LPP: variants seen among roughly 807,000 people sequenced by gnomAD.
LPP encodes the protein LIM domain containing preferred translocation partner in lipoma.
In LPP, 38 loss-of-function variants were observed where a neutral mutation model predicts 60.4. That is an observed-to-expected ratio of 0.63 (90% CI 0.49 to 0.83). The LOEUF is 0.83. Ranked by LOEUF, LPP falls within the 40% of genes least tolerant of loss-of-function variation. LPP has a pLI of 0.00. For missense variants in LPP, 902 were observed against 783.6 expected, an observed-to-expected ratio of 1.15 and a Z score of -1.80; for synonymous variants, 328 against 290.8, an observed-to-expected ratio of 1.13 and a Z score of -1.30.
At chr3:188,338,713 TG>T (rs754862161) in intron 2 of LPP, among the ~76,000 whole-genome samples, 10 of 152,120 alleles carry the variant, frequency 6.6e-5, no homozygotes, top group Non-Finnish European at 1.0e-4. Flanking sequence ...ATTGACTTAG[TG>T]GGAGTTTTTA....
At chr3:188,299,808 GCAC>G in intron 2 of LPP, among the ~76,000 whole-genome samples, 1 of 152,276 alleles carries the variant, frequency 6.6e-6, no homozygotes, top group East Asian at 1.9e-4. Context: ...AGACAGTAGG[GCAC>G]CAGGAAGCCT....
intron 4 of LPP, among the ~76,000 whole-genome samples, chr3:188,409,071 T>A (rs1233822028): frequency 3.9e-5 from 6 of 152,228 alleles, no homozygotes; most frequent in Non-Finnish European, 7.3e-5. Context: ...GTCAAATGTA[T>A]GTCTGTGTGT....
At chr3:188,197,359 C>T (rs1729825770) in intron 1 of LPP, among the ~76,000 whole-genome samples, 1 of 152,062 alleles carries the variant, frequency 6.6e-6, no homozygotes, top group Non-Finnish European at 1.5e-5. Context: ...CTCAGGAGTC[C>T]CTTTGGGCTA....
chr3:188,230,270 G>T (rs1341271632), intron 2 of LPP, among the ~76,000 whole-genome samples: 1 of 152,058 alleles, frequency 6.6e-6, no homozygotes, highest in African/African-American at 2.4e-5. Context: ...ATTTTTAGTA[G>T]AGACGGGGTT....
chr3:188,231,648 A>C (rs889870203), intron 2 of LPP, among the ~76,000 whole-genome samples: 1 of 150,606 alleles, frequency 6.6e-6, no homozygotes. Context: ...CCACAGAGCC[A>C]GCGGTAGTCA....
In LPP at chr3:188,173,605, T is replaced by G. The variant is rs78955665; in HGVS notation, c.-190+19353T>G. ...AGAAAGAAAAGCCTACTATGACGTA[T>G]AATGTTGTAATCATGTAATCTGGAG... On this transcript the variant is annotated intron_variant, in intron 1 of 11. Transcript: ENST00000617246. Among the ~76,000 whole-genome samples the G allele has an allele frequency of 8.5e-5, 13 of 152,238 alleles. No individual in the cohort carries two copies. The East Asian group carries it at 2.1e-3, about 25-fold the overall frequency.
At chr3:188,325,168 A>T (rs1182055832) in intron 2 of LPP, among the ~76,000 whole-genome samples, 2 of 152,026 alleles carry the variant, frequency 1.3e-5, no homozygotes, top group South Asian at 2.1e-4. Context: ...TTTAGTAGAG[A>T]TGGGTTTTCA....
intron 1 of LPP, among the ~76,000 whole-genome samples, chr3:188,211,522 T>G (rs557545832): frequency 6.6e-6 from 1 of 152,328 alleles, no homozygotes; most frequent in East Asian, 1.9e-4. Context: ...CCCTAGTGTC[T>G]GATCTCTCTT....
intron 4 of LPP, among the ~76,000 whole-genome samples, chr3:188,422,364 A>T (rs973779874): frequency 2.6e-5 from 4 of 152,178 alleles, no homozygotes; most frequent in Admixed American, 1.3e-4. Context: ...TGGAAATCAT[A>T]AGCATTCAGT....
intron 9 of LPP, among the ~76,000 whole-genome samples, chr3:188,847,345 A>G (rs1761687824): frequency 6.6e-6 from 1 of 152,202 alleles, no homozygotes; most frequent in African/African-American, 2.4e-5. Context: ...GAGGGCAAGG[A>G]TGGATTTGCT....
intron 2 of LPP, among the ~76,000 whole-genome samples, chr3:188,232,896 C>T (rs1720585860): frequency 6.6e-6 from 1 of 151,922 alleles, no homozygotes; most frequent in Non-Finnish European, 1.5e-5. Flanking sequence ...CTCAAAGCAG[C>T]GTAATGTCTA....
intron 5 of LPP, among the ~76,000 whole-genome samples, chr3:188,513,974 A>G (rs1369852308): frequency 6.6e-6 from 1 of 152,184 alleles, no homozygotes; most frequent in African/African-American, 2.4e-5. Flanking sequence ...AACGACCTGG[A>G]AGGTGCATAC....
At chr3:188,423,133 T>C (rs996367744) in intron 4 of LPP, among the ~76,000 whole-genome samples, 4 of 152,144 alleles carry the variant, frequency 2.6e-5, no homozygotes, top group African/African-American at 7.2e-5. Flanking sequence ...TAGTGTGTGA[T>C]GTACCCCTCC....
chr3:188,559,482 G>C (rs549530622), intron 6 of LPP, among the ~76,000 whole-genome samples: 1 of 151,924 alleles, frequency 6.6e-6, no homozygotes, highest in African/African-American at 2.4e-5. Context: ...AAAGATGATG[G>C]TACTATAAGA....
intron 10 of LPP, among the ~76,000 whole-genome samples, chr3:188,871,777 T>A (rs1052090510): frequency 6.6e-6 from 1 of 152,174 alleles, no homozygotes; most frequent in Non-Finnish European, 1.5e-5. Context: ...GAGAGATACA[T>A]GGCTTATATT....
At chr3:188,371,703 G>A (rs1773296520) in intron 3 of LPP, among the ~76,000 whole-genome samples, 1 of 124,708 alleles carries the variant, frequency 8.0e-6, no homozygotes, top group Non-Finnish European at 1.6e-5. Context: ...CGCCCAGGCT[G>A]GAGTGCAGTG....
chr3:188,633,975 T>A (rs1247576033), intron 7 of LPP, among the ~76,000 whole-genome samples: 1 of 152,090 alleles, frequency 6.6e-6, no homozygotes, highest in Non-Finnish European at 1.5e-5. Context: ...ATGCATAATT[T>A]GATTAGACCA....
chr3:188,364,499 A>G (rs1227673805), intron 3 of LPP, among the ~76,000 whole-genome samples: 2 of 152,188 alleles, frequency 1.3e-5, no homozygotes, highest in African/African-American at 4.8e-5. Flanking sequence ...GAAAACTTCT[A>G]TTGGAGATAG....
intron 1 of LPP, among the ~76,000 whole-genome samples, chr3:188,204,970 T>C (rs1012305111): frequency 7.9e-5 from 12 of 152,150 alleles, no homozygotes; most frequent in Non-Finnish European, 1.8e-4. Context: ...TTGGTTCAAA[T>C]TGAACATGTT....
Sources: gnomAD v4.1 joint callset for allele counts (sites outside exome capture counted in the v4.1 genomes callset) on GRCh38, gnomAD v4.1.1 for gene constraint, MANE v1.5 for transcripts, NCBI Gene and HGNC (gene_info 2026-07-23, HGNC 2026-07-21) for gene names.